ABCB10: variants seen among roughly 807,000 people sequenced by gnomAD.
The protein encoded by ABCB10 is ATP binding cassette subfamily B member 10, also known as ATP-binding cassette sub-family B member 10, mitochondrial.
In ABCB10, 54 loss-of-function variants were observed where a neutral mutation model predicts 65.4. That is an observed-to-expected ratio of 0.83 (90% CI 0.66 to 1.04). The LOEUF is 1.04. Among genes scored for constraint, ABCB10 ranks in the 50% least tolerant of loss-of-function variants. The pLI, the probability that ABCB10 is intolerant of heterozygous loss-of-function variation, is 0.00. For missense variants in ABCB10, 846 were observed against 976.6 expected (o/e 0.87, Z 1.78); for synonymous variants, 418 against 406.5 (o/e 1.03, Z -0.34).
intron 6 of ABCB10, chr1:229,534,917 G>A (rs1264308145): frequency 7.0e-6 from 1 of 141,932 alleles, no homozygotes; most frequent in East Asian, 2.2e-4. Flanking sequence ...GCGGATGCCT[G>A]TAATCCCAGC....
At chr1:229,539,190 C>A (rs1179266276) in intron 6 of ABCB10, among the ~76,000 whole-genome samples, 2 of 152,158 alleles carry the variant, frequency 1.3e-5, no homozygotes, top group African/African-American at 2.4e-5. Context: ...AAGACACAGG[C>A]TGGGAAATAA....
intron 4 of ABCB10, 74 bp downstream of exon 4, chr1:229,542,163 T>C: frequency 6.5e-7 from 1 of 1,542,318 alleles, no homozygotes; most frequent in Admixed American, 2.1e-5. Flanking sequence ...GTACATCCCT[T>C]AGGATCTGCC....
Position 229,540,716 on chromosome 1 carries a change from G to A in ABCB10, c.1093C>T (p.Arg365Ter), listed in dbSNP as rs575887540. 15 of 1,613,510 alleles carry A rather than the reference G, an allele frequency of 9.3e-6. No individual in the cohort carries two copies. The highest frequency in any genetic ancestry group is 1.7e-5 in the Admixed American group (1 of 59,982). The part of the protein sequence containing the change: ...EERIGNVRTV[R>*]AFGKEMTEIE... ...TCAGTCATTTCTTTCCCAAAAGCTC[G>A]AACAGTTCTTACATTTCCAATACGT... is the stretch of plus-strand genomic sequence containing the variant. Residue 365 changes from arginine (R) to a stop codon, truncating the protein, a stop_gained, in exon 5 of 13, where the codon CGA becomes TGA. Transcript: ENST00000344517. LOFTEE classifies it high-confidence loss of function.
At chr1:229,541,957 A>C (rs981086864) in intron 4 of ABCB10, among the ~76,000 whole-genome samples, 4 of 151,198 alleles carry the variant, frequency 2.6e-5, no homozygotes, top group African/African-American at 9.8e-5. Flanking sequence ...GTCTCAAAAA[A>C]AAAAAACAAA....
chr1:229,547,934 T>C (rs546436318), intron 2 of ABCB10, among the ~76,000 whole-genome samples: 55 of 152,122 alleles, frequency 3.6e-4, no homozygotes, highest in African/African-American at 1.3e-3. Context: ...CTACAGACTG[T>C]GGGCGCTAGT....
chr1:229,519,213 A>T (rs4148763), intron 11 of ABCB10: 40,108 of 186,660 alleles, frequency 0.21, 4,509 homozygotes, highest in Middle Eastern at 0.27. Context: ...TGCACAACAC[A>T]GAATACACTA....
At chr1:229,555,492 A>G (rs373653878) in intron 1 of ABCB10, among the ~76,000 whole-genome samples, 9 of 152,392 alleles carry the variant, frequency 5.9e-5, no homozygotes, top group East Asian at 5.8e-4. Flanking sequence ...AGCTGCTTTC[A>G]GCACACGTCT....
chr1:229,544,416 C>CAAAA (rs35004821), intron 3 of ABCB10, among the ~76,000 whole-genome samples: 2 of 61,006 alleles, frequency 3.3e-5, no homozygotes, highest in African/African-American at 7.2e-5. Context: ...GACCTTCTCT[C>CAAAA]AAAAAAAAAA....
At chr1:229,553,515 G>A (rs1663167099) in intron 1 of ABCB10, among the ~76,000 whole-genome samples, 1 of 152,092 alleles carries the variant, frequency 6.6e-6, no homozygotes, top group Non-Finnish European at 1.5e-5. Context: ...GGCGAAGTAG[G>A]CTGGGGACAG....
chr1:229,542,161 C>T (rs367911740), intron 4 of ABCB10, 76 bp downstream of exon 4: 60 of 1,537,634 alleles, frequency 3.9e-5, no homozygotes, highest in East Asian at 3.4e-4. Context: ...AAGTACATCC[C>T]TTAGGATCTG....
chr1:229,530,595 CTACT>C, intron 7 of ABCB10, among the ~76,000 whole-genome samples, 187 bp from the exon 8 acceptor site: 1 of 152,282 alleles, frequency 6.6e-6, no homozygotes, highest in East Asian at 1.9e-4. Flanking sequence ...AACTCTGCAC[CTACT>C]ATGTCCAAGG....
intron 7 of ABCB10, 46 bp from the exon 8 acceptor site, chr1:229,530,454 A>C: frequency 6.2e-7 from 1 of 1,601,200 alleles, no homozygotes. Flanking sequence ...AAAAAATTAA[A>C]CTCAAAAGCT....
chr1:229,555,750 C>G (rs1169242969), intron 1 of ABCB10, among the ~76,000 whole-genome samples: 1 of 152,190 alleles, frequency 6.6e-6, no homozygotes, highest in Non-Finnish European at 1.5e-5. Context: ...CGCAATTGCT[C>G]TTTACCTCCA....
chr1:229,521,315 T>G (rs888192713), intron 11 of ABCB10, among the ~76,000 whole-genome samples: 5 of 152,188 alleles, frequency 3.3e-5, no homozygotes, highest in African/African-American at 1.2e-4. Context: ...CTGGCTAGAC[T>G]GTATGCTTCT....
At position 229,530,179 on chromosome 1, in the gene ABCB10, C is replaced by T. The variant is rs745364295; in HGVS notation, c.1645+20G>A. 1.9e-6 allele frequency: 3 copies of T among 1,612,496 alleles called. No individual in the cohort carries two copies. The highest frequency in any genetic ancestry group is 2.5e-6 in the Non-Finnish European group (3 of 1,179,328). On this transcript the variant is annotated intron_variant, in intron 8 of 12. Coordinates refer to ENST00000344517, the MANE Select transcript of ABCB10 (RefSeq NM_012089.3). Reference sequence around the variant, plus strand: ...AGCTCGGGAGAGTCCCTCGGTGCTACAGTGTGGTGAACTGCTTACCAGAAG... The same window carrying T: ...AGCTCGGGAGAGTCCCTCGGTGCTATAGTGTGGTGAACTGCTTACCAGAAG...
chr1:229,529,308 A>AAAG (rs1662520474), intron 8 of ABCB10, among the ~76,000 whole-genome samples: 2 of 126,232 alleles, frequency 1.6e-5, no homozygotes, highest in Non-Finnish European at 3.4e-5. Flanking sequence ...AAAAAAAAAA[A>AAAG]AAAAAAAAAA....
At chr1:229,522,189 G>A (rs1267300152) in intron 10 of ABCB10, among the ~76,000 whole-genome samples, 1 of 151,744 alleles carries the variant, frequency 6.6e-6, no homozygotes, top group African/African-American at 2.4e-5. Flanking sequence ...TGCACTGCAT[G>A]TATTATCTCA....
intron 9 of ABCB10, among the ~76,000 whole-genome samples, chr1:229,527,013 A>G (rs920349255): frequency 6.6e-6 from 1 of 152,118 alleles, no homozygotes; most frequent in Non-Finnish European, 1.5e-5. Flanking sequence ...GCTTTCAATA[A>G]AAAGTCAATG....
Position 229,518,004 on chromosome 1 carries a change from TA to T in ABCB10, c.*174del. On this transcript the variant is annotated 3_prime_UTR_variant, in exon 13 of 13. Coordinates refer to ENST00000344517, the MANE Select transcript of ABCB10 (RefSeq NM_012089.3). The stretch of plus-strand genomic sequence containing the variant: ...AAGTTACAATTATTAAAACTCTGAA[TA>T]AAAAGATCTTGAGAACAGGTACGTT... The T allele has an allele frequency of 3.4e-6, 2 of 592,770 alleles. No individual in the cohort carries two copies. 36.7% of individuals were successfully genotyped at this position (592,770 alleles called of 1,614,324 possible). A position where few individuals can be genotyped will look rare whatever the true frequency, so the allele number is the denominator to read the frequency against.
Sources: gnomAD v4.1 joint callset for allele counts (sites outside exome capture counted in the v4.1 genomes callset) on GRCh38, gnomAD v4.1.1 for gene constraint, MANE v1.5 for transcripts, NCBI Gene and HGNC (gene_info 2026-07-23, HGNC 2026-07-21) for gene names.